HECTD4: variants seen among roughly 807,000 people sequenced by gnomAD.
The protein encoded by HECTD4 is HECT domain E3 ubiquitin protein ligase 4.
Under a neutral mutation model 471.5 loss-of-function variants are expected in HECTD4, and 114 were observed. The observed-to-expected ratio is 0.24, with a 90% CI of 0.21 to 0.28. The LOEUF is 0.28. Ranked by LOEUF, HECTD4 falls within the 10% of genes least tolerant of loss-of-function variation. The pLI is 1.00. For synonymous variants in HECTD4, 2,012 were observed against 2,256.0 expected (o/e 0.89, Z 3.07); for missense variants, 3,866 against 5,651.5 (o/e 0.68, Z 10.13).
chr12:112,325,451 A>T (rs918573055), intron 1 of HECTD4, among the ~76,000 whole-genome samples: 3 of 152,206 alleles, frequency 2.0e-5, no homozygotes, highest in Admixed American at 2.0e-4. Context: ...TCAGAATTCT[A>T]AAGTTTGAAG....
intron 18 of HECTD4, among the ~76,000 whole-genome samples, chr12:112,261,087 C>T (rs749652914): frequency 2.6e-5 from 4 of 152,138 alleles, no homozygotes; most frequent in Non-Finnish European, 4.4e-5. Context: ...TCCACAACCT[C>T]GCTACCCTTA....
chr12:112,186,306 C>CTT (rs34138419), intron 60 of HECTD4, among the ~76,000 whole-genome samples: 2 of 89,856 alleles, frequency 2.2e-5, no homozygotes, highest in African/African-American at 4.1e-5. Flanking sequence ...CTGGCATATT[C>CTT]TTTTTTTTTT....
At chr12:112,172,484 C>T (rs2031263395) in intron 67 of HECTD4, among the ~76,000 whole-genome samples, 187 bp downstream of exon 67, 1 of 152,250 alleles carries the variant, frequency 6.6e-6, no homozygotes, top group African/African-American at 2.4e-5. Flanking sequence ...AGGCCACAGT[C>T]CTGGCTCCCT....
rs749997790 is a variant in HECTD4 at position 112,171,281 on chromosome 12, G to A, written c.11786-18C>T. ...GGGCACGTCTGAGGGCGCAGGAGCA[G>A]TCAGGCTGAGATCTCGGCCAGGTGG... On this transcript the variant is annotated intron_variant, in intron 67 of 75. Coordinates refer to ENST00000682272, the MANE Select transcript of HECTD4 (RefSeq NM_001388303.1). 11 of 1,588,892 alleles carry A rather than the reference G, an allele frequency of 6.9e-6. No individual in the cohort carries two copies. In the South Asian group the frequency reaches 1.3e-4, roughly 18 times the overall value.
chr12:112,362,868 A>C (rs945701255), intron 1 of HECTD4, among the ~76,000 whole-genome samples: 1 of 152,034 alleles, frequency 6.6e-6, no homozygotes, highest in Non-Finnish European at 1.5e-5. Context: ...TGCCCGGCTA[A>C]TTTTTGTATA....
chr12:112,210,038 G>A lies in HECTD4; in HGVS notation c.7844C>T (p.Ala2615Val). The change falls in exon 50 of 76, where the codon GCT (alanine) becomes GTT (valine). Residue 2615 changes from alanine to valine, a missense_variant. Physicochemically the swap from Ala to Val is moderately conservative, Grantham distance 64 (BLOSUM62 0). Coordinates refer to ENST00000682272, the MANE Select transcript of HECTD4 (RefSeq NM_001388303.1). ...ACGTTGCTGAGCGGTGGCCACGGCA[G>A]CAATCCGGCATGGTGGCCCATGAGT... ...PGTHGPPCRI[A>V]AVATAQQQYD... is the part of the protein sequence containing the mutation. The A allele has an allele frequency of 1.2e-6, 2 of 1,613,700 alleles. No individual in the cohort carries two copies. Among genetic ancestry groups the A allele is most frequent in the Non-Finnish European group, 1.7e-6 (2 of 1,179,728 alleles).
chr12:112,331,206 G>T (rs1249648354), intron 1 of HECTD4, among the ~76,000 whole-genome samples: 2 of 152,164 alleles, frequency 1.3e-5, no homozygotes, highest in Non-Finnish European at 2.9e-5. Context: ...TAGTAGCTGG[G>T]ACTACAGGCA....
In HECTD4 at chr12:112,193,128, C is replaced by T. The variant is rs374889610; in HGVS notation, c.9019G>A (p.Val3007Met). The change falls in exon 58 of 76, where the codon GTG (valine) becomes ATG (methionine). Residue 3007 changes from valine (V) to methionine (M), a missense_variant. Val to Met is a conservative substitution (Grantham distance 21). Coordinates refer to ENST00000682272, the MANE Select transcript of HECTD4 (RefSeq NM_001388303.1). The surrounding 1 kb of genome is among the most constrained non-coding windows in gnomAD (Gnocchi z 5.2). ...ACAAAAGCTGCCCCGGGGAAATTCACGTCCATGTTGACTTTGGATTCGGAA... is the reference window on the plus strand; with the variant it reads ...ACAAAAGCTGCCCCGGGGAAATTCATGTCCATGTTGACTTTGGATTCGGAA... The part of the protein sequence containing the change: ...PISESKVNMD[V>M]NFPGAAFVVV... The T allele has an allele frequency of 3.5e-5, 56 of 1,613,856 alleles. No individual in the cohort carries two copies. Among genetic ancestry groups the T allele is most frequent in the Middle Eastern group, 1.6e-4 (1 of 6,084 alleles).
chr12:112,227,973 T>C (rs892380553), intron 43 of HECTD4, 116 bp downstream of exon 43: 1 of 882,420 alleles, frequency 1.1e-6, no homozygotes, highest in Non-Finnish European at 1.7e-6. Context: ...CTCAGTTTAG[T>C]GTGAGCTTCA....
Position 112,162,999 on chromosome 12 carries a change from C to G in HECTD4, c.13120+43G>C. 2 of 1,443,544 alleles carry G rather than the reference C, an allele frequency of 1.4e-6. No homozygotes were observed. Among genetic ancestry groups the G allele is most frequent in the Non-Finnish European group, 1.9e-6 (2 of 1,041,658 alleles). 89.4% of individuals were successfully genotyped at this position (1,443,544 alleles called of 1,614,324 possible). A position where few individuals can be genotyped will look rare whatever the true frequency, so the allele number is the denominator to read the frequency against. On this transcript the variant is annotated intron_variant, in intron 75 of 75. Transcript: ENST00000682272. This position sits in a 1 kb window ranked among gnomAD's most constrained non-coding sequence, Gnocchi z 5.2. ...AGCCCCAGTTCCAAACAGAGAAAGG[C>G]TAGTGTGTCCCTACTTGGGACATGG...
At chr12:112,369,785 A>C (rs1486664478) in intron 1 of HECTD4, among the ~76,000 whole-genome samples, 1 of 152,140 alleles carries the variant, frequency 6.6e-6, no homozygotes, top group African/African-American at 2.4e-5. Context: ...TTAATTTGTC[A>C]CCAATGACCC....
intron 8 of HECTD4, 49 bp from the exon 9 acceptor site, chr12:112,279,435 T>G (rs2034589565): frequency 6.7e-7 from 1 of 1,489,180 alleles, no homozygotes; most frequent in South Asian, 1.3e-5. Context: ...ACACAAAAGT[T>G]AATTTGATTA....
At chr12:112,374,912 T>G (rs906398507) in intron 1 of HECTD4, among the ~76,000 whole-genome samples, 1 of 152,230 alleles carries the variant, frequency 6.6e-6, no homozygotes, top group Non-Finnish European at 1.5e-5. Context: ...ATTTGTTAAT[T>G]AACATATAAT....
At chr12:112,329,370 G>GTTTTTTT (rs72342162) in intron 1 of HECTD4, among the ~76,000 whole-genome samples, 3 of 131,076 alleles carry the variant, frequency 2.3e-5, no homozygotes, top group Non-Finnish European at 3.3e-5. Flanking sequence ...TGGGTTTTTT[G>GTTTTTTT]TTTTTTTTTT....
chr12:112,220,094 C>T (rs907286498), intron 44 of HECTD4, among the ~76,000 whole-genome samples: 2 of 152,150 alleles, frequency 1.3e-5, no homozygotes, highest in African/African-American at 4.8e-5. Flanking sequence ...TCTCACAGGG[C>T]TGTTGTGAAG....
At chr12:112,377,037 G>C (rs914313120) in intron 1 of HECTD4, among the ~76,000 whole-genome samples, 3 of 152,098 alleles carry the variant, frequency 2.0e-5, no homozygotes, top group East Asian at 1.9e-4. Flanking sequence ...GCCTCAACCC[G>C]GGAGGTGGAG....
rs538134952 is a variant in HECTD4 at position 112,256,046 on chromosome 12, C to T, written c.3327+274G>A. On this transcript the variant is annotated intron_variant, in intron 21 of 75. Transcript: ENST00000682272. Reference sequence around the variant, plus strand: ...GTAAGCAGAATGAAAAGGAACATTTCCTTCCTCTCATATATCTAAGCACCT... The same window carrying T: ...GTAAGCAGAATGAAAAGGAACATTTTCTTCCTCTCATATATCTAAGCACCT... Among the ~76,000 whole-genome samples the T allele has an allele frequency of 8.5e-5, 13 of 152,288 alleles. No individual in the cohort carries two copies. The South Asian group carries it at 2.7e-3, about 32-fold the overall frequency.
At chr12:112,164,071 C>T in intron 73 of HECTD4, 38 bp downstream of exon 73, 2 of 1,394,382 alleles carry the variant, frequency 1.4e-6, no homozygotes, top group Non-Finnish European at 1.9e-6. Context: ...GCTGGCCGGG[C>T]CAGCCCCTGC....
In HECTD4 at chr12:112,195,073, G is replaced by C. The variant is rs1194157762; in HGVS notation, c.8568-7C>G. 1 of 1,584,222 alleles carries C rather than the reference G, an allele frequency of 6.3e-7. No individual in the cohort carries two copies. Among genetic ancestry groups the C allele is most frequent in the Non-Finnish European group, 8.6e-7 (1 of 1,166,598 alleles). On this transcript the variant is annotated splice_region_variant and splice_polypyrimidine_tract_variant and intron_variant, in intron 55 of 75. Transcript: ENST00000682272. ...CTCGCAGCGCAGCAGCTCCCTGCAA[G>C]GGAAAAGGTGGGTGAGATACTCAAA...
Sources: gnomAD v4.1 joint callset for allele counts (sites outside exome capture counted in the v4.1 genomes callset) on GRCh38, gnomAD v4.1.1 for gene constraint, Gnocchi (gnomAD v3.1) non-coding constraint, MANE v1.5 for transcripts, NCBI Gene and HGNC (gene_info 2026-07-23, HGNC 2026-07-21) for gene names.